Variants in NELL1 observed in about 807,000 individuals in gnomAD.
NELL1 encodes protein kinase C-binding protein NELL1.
In NELL1, 76 loss-of-function variants were observed where a neutral mutation model predicts 107.4. The observed-to-expected ratio is 0.71, with a 90% CI of 0.59 to 0.86. The LOEUF (loss-of-function observed/expected upper bound fraction) is 0.86, where lower values mean the gene tolerates loss of function less well. Among genes scored for constraint, NELL1 ranks in the 40% least tolerant of loss-of-function variants. The pLI is 0.00. For synonymous variants in NELL1, 353 were observed against 341.2 expected, an observed-to-expected ratio of 1.03 and a Z score of -0.38; for missense variants, 1,024 against 1,005.5, an observed-to-expected ratio of 1.02 and a Z score of -0.25.
intron 15 of NELL1, among the ~76,000 whole-genome samples, chr11:21,467,727 G>A (rs1854067624): frequency 6.6e-6 from 1 of 151,768 alleles, no homozygotes; most frequent in Non-Finnish European, 1.5e-5. Flanking sequence ...GTTGTTTCAG[G>A]GTGCTAAAGA....
At chr11:21,217,761 T>A (rs1857652113) in intron 13 of NELL1, among the ~76,000 whole-genome samples, 1 of 152,130 alleles carries the variant, frequency 6.6e-6, no homozygotes, top group Non-Finnish European at 1.5e-5. Flanking sequence ...TTGAACAAAA[T>A]AAAGCCACAA....
chr11:21,010,080 C>T (rs1225422966), intron 12 of NELL1, among the ~76,000 whole-genome samples: 1 of 151,986 alleles, frequency 6.6e-6, no homozygotes, highest in Non-Finnish European at 1.5e-5. Context: ...GCATCTCTCT[C>T]AGACTGTACC....
At chr11:20,832,338 G>A (rs1384978943) in intron 3 of NELL1, among the ~76,000 whole-genome samples, 1 of 152,214 alleles carries the variant, frequency 6.6e-6, no homozygotes, top group Non-Finnish European at 1.5e-5. Context: ...CTTTGTCACA[G>A]AACCATGTTC....
At chr11:21,051,437 A>G (rs776431979) in intron 12 of NELL1, among the ~76,000 whole-genome samples, 5 of 151,996 alleles carry the variant, frequency 3.3e-5, no homozygotes, top group African/African-American at 7.2e-5. Flanking sequence ...GTACGTGTAC[A>G]CTGCTCGGGT....
Position 21,520,411 on chromosome 11 carries a change from GC to G in NELL1, c.1646-13961del, listed in dbSNP as rs1159590984. Among the ~76,000 whole-genome samples, 4 of 152,208 alleles carry G rather than the reference GC, an allele frequency of 2.6e-5. No homozygotes were observed. In the South Asian group the frequency reaches 8.3e-4, roughly 32 times the overall value. ...AATGCGGCTCAAATCCTAGATTTGTGCCAGTACTATTGATAAGAATCTCTCC... is the reference window on the plus strand; with the variant it reads ...AATGCGGCTCAAATCCTAGATTTGTGCAGTACTATTGATAAGAATCTCTCC... On this transcript the variant is annotated intron_variant, in intron 15 of 19. Transcript: ENST00000357134.
chr11:21,167,415 G>A (rs757921127), intron 13 of NELL1, among the ~76,000 whole-genome samples: 4 of 151,794 alleles, frequency 2.6e-5, no homozygotes, highest in Non-Finnish European at 4.4e-5. Context: ...GTTGGCTTGA[G>A]CCCTGGTTGG....
At chr11:20,677,305 TTTACTGGTGGTGGTGG>T (rs1261916362) in intron 1 of NELL1, among the ~76,000 whole-genome samples, 3 of 152,144 alleles carry the variant, frequency 2.0e-5, no homozygotes, top group Admixed American at 1.3e-4. Context: ...TGTGGAGGTG[TTTACTGGTGGTGGTGG>T]GTCAGATTTT....
At chr11:20,789,189 G>A (rs771207230) in intron 3 of NELL1, among the ~76,000 whole-genome samples, 1 of 152,186 alleles carries the variant, frequency 6.6e-6, no homozygotes, top group Non-Finnish European at 1.5e-5. Flanking sequence ...GGCCTGGCAG[G>A]CTGCACTCAG....
At chr11:20,847,458 G>C in intron 3 of NELL1, 125 bp from the exon 4 acceptor site, 1 of 969,088 alleles carries the variant, frequency 1.0e-6, no homozygotes, top group South Asian at 1.8e-5. Context: ...TGAGGTCTTG[G>C]CTCTTTGTGC....
intron 13 of NELL1, among the ~76,000 whole-genome samples, chr11:21,208,817 A>G (rs1857440949): frequency 6.6e-6 from 1 of 152,190 alleles, no homozygotes; most frequent in Non-Finnish European, 1.5e-5. Flanking sequence ...ATAAGCTCTT[A>G]AAGTGGTTTA....
At chr11:20,898,972 T>G (rs1014492539) in intron 5 of NELL1, among the ~76,000 whole-genome samples, 6 of 152,116 alleles carry the variant, frequency 3.9e-5, no homozygotes, top group African/African-American at 1.4e-4. Context: ...TATGTTATTC[T>G]TTAATAAAAA....
chr11:20,904,401 C>T (rs1849947148), intron 5 of NELL1, among the ~76,000 whole-genome samples: 1 of 152,082 alleles, frequency 6.6e-6, no homozygotes, highest in African/African-American at 2.4e-5. Context: ...GTACCCAATA[C>T]ATAGGTACAA....
Position 20,770,633 on chromosome 11 carries a change from G to A in NELL1, c.185-13047G>A, listed in dbSNP as rs568212814. Among the ~76,000 whole-genome samples the A allele has an allele frequency of 3.0e-4, 46 of 152,220 alleles. No homozygotes were observed. The East Asian group carries it at 4.8e-3, about 16-fold the overall frequency. The stretch of plus-strand genomic sequence containing the variant: ...GACTCTGGAACTAATTAGCTAACAA[G>A]GCATGTAATTAGATTAATGCATGTG... On this transcript the variant is annotated intron_variant, in intron 2 of 19. Coordinates refer to ENST00000357134, the MANE Select transcript of NELL1 (RefSeq NM_006157.5).
intron 5 of NELL1, among the ~76,000 whole-genome samples, chr11:20,892,055 A>G (rs1022061690): frequency 6.6e-6 from 1 of 152,220 alleles, no homozygotes; most frequent in African/African-American, 2.4e-5. Context: ...AAATCAACAG[A>G]ATATACATTC....
At chr11:21,142,141 A>G (rs934420719) in intron 13 of NELL1, among the ~76,000 whole-genome samples, 1 of 152,186 alleles carries the variant, frequency 6.6e-6, no homozygotes, top group Non-Finnish European at 1.5e-5. Flanking sequence ...CTCTGAAACC[A>G]AATTTCAGAC....
intron 3 of NELL1, among the ~76,000 whole-genome samples, chr11:20,818,444 G>A (rs548093404): frequency 5.6e-5 from 8 of 142,184 alleles, no homozygotes; most frequent in Non-Finnish European, 1.2e-4. Context: ...TCGGAATCAG[G>A]AAACTGCTAT....
At chr11:21,143,694 G>A (rs1040052119) in intron 13 of NELL1, among the ~76,000 whole-genome samples, 9 of 152,206 alleles carry the variant, frequency 5.9e-5, no homozygotes, top group African/African-American at 1.7e-4. Flanking sequence ...AATCTTACAT[G>A]GGGCATTGGG....
chr11:20,899,946 G>A (rs1183486779), intron 5 of NELL1, among the ~76,000 whole-genome samples: 1 of 152,138 alleles, frequency 6.6e-6, no homozygotes, highest in African/African-American at 2.4e-5. Context: ...GTTTATGATT[G>A]AAAGTCTATT....
intron 4 of NELL1, among the ~76,000 whole-genome samples, chr11:20,873,654 A>T (rs1418687577): frequency 6.6e-6 from 1 of 152,238 alleles, no homozygotes; most frequent in Non-Finnish European, 1.5e-5. Flanking sequence ...AACTTGTCCC[A>T]AGTCACAAAA....
Sources: gnomAD v4.1 joint callset for allele counts (sites outside exome capture counted in the v4.1 genomes callset) on GRCh38, gnomAD v4.1.1 for gene constraint, MANE v1.5 for transcripts, NCBI Gene and HGNC (gene_info 2026-07-23, HGNC 2026-07-21) for gene names.